SLC28A2: variants seen among roughly 807,000 people sequenced by gnomAD.
The protein encoded by SLC28A2 is sodium/nucleoside cotransporter 2.
In SLC28A2, 69 loss-of-function variants were observed where a neutral mutation model predicts 72.9. The observed-to-expected ratio is 0.95, with a 90% CI of 0.78 to 1.16. The LOEUF is 1.16. SLC28A2 is among the 50% of genes most tolerant of loss of function. The pLI is 0.00. For missense variants in SLC28A2, 745 were observed against 791.1 expected (o/e 0.94, Z 0.70); for synonymous variants, 296 against 294.1 (o/e 1.01, Z -0.07).
intron 13 of SLC28A2, 80 bp downstream of exon 13, chr15:45,268,458 C>G: frequency 8.3e-7 from 1 of 1,206,372 alleles, no homozygotes; most frequent in Non-Finnish European, 1.2e-6. Context: ...AAATCAAAAC[C>G]ACAATGAGAT....
Position 45,272,277 on chromosome 15 carries a change from T to C in SLC28A2, c.1649-18T>C, listed in dbSNP as rs1227600616. ...TTGGTGGGGAAAAGCTGAAGTTATTTTATTTTATTGTCTGCAGCATCAATA... is the reference window on the plus strand; with the variant it reads ...TTGGTGGGGAAAAGCTGAAGTTATTCTATTTTATTGTCTGCAGCATCAATA... On this transcript the variant is annotated intron_variant, in intron 15 of 17. Coordinates refer to ENST00000347644, the MANE Select transcript of SLC28A2 (RefSeq NM_004212.4). 1 of 1,608,006 alleles carries C rather than the reference T, an allele frequency of 6.2e-7. No homozygotes were observed. The highest frequency in any genetic ancestry group is 8.5e-7 in the Non-Finnish European group (1 of 1,176,426).
At chr15:45,268,418 G>A in intron 13 of SLC28A2, 40 bp downstream of exon 13, 1 of 1,522,458 alleles carries the variant, frequency 6.6e-7, no homozygotes, top group African/African-American at 1.4e-5. Flanking sequence ...TCTGGGATGT[G>A]GTTAGGTAGC....
chr15:45,270,662 C>G (rs1197364622), intron 15 of SLC28A2, among the ~76,000 whole-genome samples: 1 of 151,956 alleles, frequency 6.6e-6, no homozygotes, highest in Non-Finnish European at 1.5e-5. Context: ...GAGTCTCACT[C>G]TGTTGCGCAG....
At chr15:45,270,753 G>A (rs1900527575) in intron 15 of SLC28A2, among the ~76,000 whole-genome samples, 4 of 151,942 alleles carry the variant, frequency 2.6e-5, no homozygotes, top group East Asian at 1.9e-4. Flanking sequence ...TCAGCCTCCC[G>A]AGCTGGGATT....
Position 45,264,718 on chromosome 15 carries a change from A to C in SLC28A2, c.652A>C (p.Arg218=). ...ATTTGTCTTTGGGATCTTGGTCATC[A>C]GAACTGATCTTGGATATACTGTATT... is the stretch of plus-strand genomic sequence containing the variant. ...LQFVFGILVI[R]TDLGYTVFQW... Residue 218 remains arginine, a synonymous_variant, in exon 7 of 18, where the codon AGA becomes CGA. Transcript: ENST00000347644. 1 of 1,614,018 alleles carries C rather than the reference A, an allele frequency of 6.2e-7. No individual in the cohort carries two copies. The highest frequency in any genetic ancestry group is 1.1e-5 in the South Asian group (1 of 91,082).
intron 15 of SLC28A2, among the ~76,000 whole-genome samples, chr15:45,271,049 TAGACAGTAAGAG>T (rs1900542072): frequency 6.6e-6 from 1 of 152,214 alleles, no homozygotes; most frequent in Non-Finnish European, 1.5e-5. Flanking sequence ...ATAAGGCAGA[TAGACAGTAAGAG>T]AGAGTGGTGT....
chr15:45,256,074 C>T (rs905898316), intron 3 of SLC28A2: 30 of 152,124 alleles, frequency 2.0e-4, no homozygotes, highest in African/African-American at 7.0e-4. Context: ...GTTGTTGGCA[C>T]CTTAAACTGC....
At chr15:45,252,430 C>T (rs1459369949) in intron 1 of SLC28A2, among the ~76,000 whole-genome samples, 152 bp downstream of exon 1, 1 of 152,214 alleles carries the variant, frequency 6.6e-6, no homozygotes, top group East Asian at 1.9e-4. Context: ...TGAAATTATA[C>T]TTCAAATGCT....
intron 7 of SLC28A2, 103 bp from the exon 8 acceptor site, chr15:45,264,986 T>G: frequency 1.1e-6 from 1 of 936,680 alleles, no homozygotes; most frequent in Non-Finnish European, 1.7e-6. Context: ...CCAACCTCAG[T>G]AGCAACAGTA....
chr15:45,262,266 T>C (rs1038935393), intron 4 of SLC28A2, among the ~76,000 whole-genome samples, 160 bp downstream of exon 4: 4 of 152,218 alleles, frequency 2.6e-5, no homozygotes, highest in Non-Finnish European at 4.4e-5. Flanking sequence ...CCATAATGTA[T>C]TGAATTGCAC....
At chr15:45,262,427 C>T (rs1054504727) in intron 4 of SLC28A2, among the ~76,000 whole-genome samples, 1 of 152,008 alleles carries the variant, frequency 6.6e-6, no homozygotes, top group African/African-American at 2.4e-5. Flanking sequence ...ATGACAGAAG[C>T]CTGTATTATA....
chr15:45,253,296 G>A lies in SLC28A2; in HGVS notation c.81G>A (p.Met27Ile), dbSNP rs1478807836. The change falls in exon 2 of 18, where the codon ATG (methionine) becomes ATA (isoleucine). Residue 27 changes from methionine (M) to isoleucine (I), a missense_variant and splice_region_variant. Transcript: ENST00000347644. ...CAGTGAACCCGGGGCTGGAGCTCAT[G>A]GTAATCACCAGTTTAGTTTCTCTCT... Reference protein sequence around the residue: ...TGTVNPGLELMEKEVEPEGSK... With the variant: ...TGTVNPGLELIEKEVEPEGSK... 6.2e-7 allele frequency: 1 copy of A among 1,610,700 alleles called. No homozygotes were observed. Among genetic ancestry groups the A allele is most frequent in the East Asian group, 2.2e-5 (1 of 44,870 alleles).
chr15:45,267,491 G>C lies in SLC28A2; in HGVS notation c.979G>C (p.Asp327His), dbSNP rs779625337. The change falls in exon 11 of 18, where the codon GAC becomes CAC. Residue 327 changes from aspartate (D) to histidine (H), a missense_variant. Coordinates refer to ENST00000347644, the MANE Select transcript of SLC28A2 (RefSeq NM_004212.4). ...TCTGCTCATCCGTCCCTACCTTGGGGACATGACACTCTCTGAAATCCATGC... is the reference window on the plus strand; with the variant it reads ...TCTGCTCATCCGTCCCTACCTTGGGCACATGACACTCTCTGAAATCCATGC... ...APLLIRPYLG[D>H]MTLSEIHAVM... The C allele has an allele frequency of 2.5e-6, 4 of 1,614,144 alleles. No individual in the cohort carries two copies. Among genetic ancestry groups the C allele is most frequent in the Non-Finnish European group, 3.4e-6 (4 of 1,180,024 alleles).
chr15:45,259,084 A>G (rs985638159), intron 3 of SLC28A2, among the ~76,000 whole-genome samples: 2 of 152,070 alleles, frequency 1.3e-5, no homozygotes, highest in Non-Finnish European at 1.5e-5. Context: ...CTGGCCACTG[A>G]ATATTCTCTT....
Position 45,253,275 on chromosome 15 carries a change from G to C in SLC28A2, c.60G>C (p.Val20=). 2 of 1,613,650 alleles carry C rather than the reference G, an allele frequency of 1.2e-6. No homozygotes were observed. The highest frequency in any genetic ancestry group is 1.7e-6 in the Non-Finnish European group (2 of 1,179,608). Residue 20 remains valine, a synonymous_variant, in exon 2 of 18, where the codon GTG becomes GTC. Coordinates refer to ENST00000347644, the MANE Select transcript of SLC28A2 (RefSeq NM_004212.4). ...TGTCCACAGTGGAGACTGGCACAGT[G>C]AACCCGGGGCTGGAGCTCATGGTAA... ...IALSTVETGT[V]NPGLELMEKE...
chr15:45,258,638 TGC>T (rs1290061517), intron 3 of SLC28A2, among the ~76,000 whole-genome samples: 2 of 152,208 alleles, frequency 1.3e-5, no homozygotes, highest in Non-Finnish European at 2.9e-5. Context: ...CTTTACATTG[TGC>T]TTTGGAGATT....
intron 4 of SLC28A2, among the ~76,000 whole-genome samples, chr15:45,262,561 C>A (rs1226641896): frequency 6.6e-6 from 1 of 152,110 alleles, no homozygotes; most frequent in Non-Finnish European, 1.5e-5. Context: ...ATAGGAGGCA[C>A]CTGGGATGGT....
chr15:45,265,907 G>A (rs1900319588), intron 9 of SLC28A2, among the ~76,000 whole-genome samples, 174 bp from the exon 10 acceptor site: 1 of 152,198 alleles, frequency 6.6e-6, no homozygotes, highest in African/African-American at 2.4e-5. Flanking sequence ...AAGGCAACGA[G>A]TCCTGAGTTC....
At chr15:45,270,359 A>G (rs1319974253) in intron 15 of SLC28A2, 83 bp downstream of exon 15, 1 of 937,114 alleles carries the variant, frequency 1.1e-6, no homozygotes, top group African/African-American at 1.6e-5. Context: ...GCTTCAGTAC[A>G]AGCTGGGATC....
Sources: allele counts gnomAD v4.1 joint callset (sites outside exome capture counted in the v4.1 genomes callset), GRCh38; gene constraint gnomAD v4.1.1; transcripts MANE v1.5; gene names NCBI Gene and HGNC (gene_info 2026-07-23, HGNC 2026-07-21).